Variants in CHRNB4 observed in about 807,000 individuals in gnomAD.
CHRNB4 encodes neuronal acetylcholine receptor subunit beta-4.
A neutral mutation model predicts 40.4 loss-of-function variants in CHRNB4; 23 were observed. The ratio of observed to expected loss-of-function variants is 0.57; its 90% confidence interval spans 0.41 to 0.81. The LOEUF is 0.81. CHRNB4 is among the 30% of genes least tolerant of loss of function. The pLI, the probability that CHRNB4 is intolerant of heterozygous loss-of-function variation, is 0.00. For synonymous variants in CHRNB4, 285 were observed against 274.4 expected, an observed-to-expected ratio of 1.04 and a Z score of -0.38; for missense variants, 568 against 670.6, an observed-to-expected ratio of 0.85 and a Z score of 1.69.
rs774591368 is a variant in CHRNB4 at position 78,641,079 on chromosome 15, C to A, written c.55G>T (p.Gly19Trp). 6 of 1,577,870 alleles carry A rather than the reference C, an allele frequency of 3.8e-6. No homozygotes were observed. Among genetic ancestry groups the A allele is most frequent in the African/African-American group, 2.7e-5 (2 of 74,028 alleles). ...CCCTCCTTCCCCGAAAAGAACTCACCGCGCCCGCAAAGGGCGACCAGGAAG... is the reference window on the plus strand; with the variant it reads ...CCCTCCTTCCCCGAAAAGAACTCACAGCGCCCGCAAAGGGCGACCAGGAAG... ...LFFLVALCGR[G>W]NCRVANAEEK... Residue 19 changes from glycine (G) to tryptophan (W), a missense_variant and splice_region_variant, in exon 1 of 6, where the codon GGG becomes TGG. Gly to Trp is a radical substitution (Grantham distance 184, BLOSUM62 -2). Around this residue, in one of 4 missense-constraint regions of CHRNB4, gnomAD observed 161 missense variants for 148.1 expected, o/e 1.09. Coordinates refer to ENST00000261751, the MANE Select transcript of CHRNB4 (RefSeq NM_000750.5).
chr15:78,658,435 C>A (rs1366947951), intron 1 of CHRNB4: 1 of 152,136 alleles, frequency 6.6e-6, no homozygotes, highest in Admixed American at 6.5e-5. Flanking sequence ...TGTCTAAGTA[C>A]TATTTGTCCC....
At chr15:78,640,257 G>A (rs1331993894) in intron 1 of CHRNB4, among the ~76,000 whole-genome samples, 1 of 152,146 alleles carries the variant, frequency 6.6e-6, no homozygotes, top group African/African-American at 2.4e-5. Flanking sequence ...GAAAAGCCTG[G>A]GTGACTGTAG....
chr15:78,658,869 G>A (rs1358052541), intron 1 of CHRNB4, among the ~76,000 whole-genome samples: 1 of 152,218 alleles, frequency 6.6e-6, no homozygotes, highest in African/African-American at 2.4e-5. Context: ...AAGGAGAGGA[G>A]ATGCCTGAAA....
chr15:78,651,894 C>T lies in CHRNB4; in HGVS notation c.-16+684G>A, dbSNP rs149210867. ...AAGGGTTGCATCTGCCCCACACGAG[C>T]CCAAAAGGGCTGCAGGGACAGGGCA... On this transcript the variant is annotated intron_variant and NMD_transcript_variant, in intron 6 of 11. Transcript: ENST00000559849. Among the ~76,000 whole-genome samples, 516 of 152,358 alleles carry T rather than the reference C, an allele frequency of 3.4e-3. 1 individual carries two copies. The highest frequency in any genetic ancestry group is 0.011 in the African/African-American group (473 of 41,592).
upstream of CHRNB4, among the ~76,000 whole-genome samples, chr15:78,642,593 T>C (rs1353536593): frequency 1.3e-5 from 2 of 152,112 alleles, no homozygotes; most frequent in Non-Finnish European, 2.9e-5. Flanking sequence ...CCTGGCTTTA[T>C]CGGATGTGTA....
At chr15:78,661,077 G>A, upstream of CHRNB4, 2 of 600,722 alleles carry the variant, frequency 3.3e-6, no homozygotes. Flanking sequence ...TTTGACCTCT[G>A]GCGCGCTTGA....
At chr15:78,634,206 T>C (rs1362076207) in intron 2 of CHRNB4, among the ~76,000 whole-genome samples, 1 of 152,150 alleles carries the variant, frequency 6.6e-6, no homozygotes, top group East Asian at 1.9e-4. Flanking sequence ...CCCTCCTCCT[T>C]CTGGTAGCCG....
chr15:78,650,845 G>C (rs1346301274), intron 6 of CHRNB4, among the ~76,000 whole-genome samples: 1 of 152,186 alleles, frequency 6.6e-6, no homozygotes, highest in Non-Finnish European at 1.5e-5. Flanking sequence ...TATGGGCTAG[G>C]GAAGTGTGAT....
At chr15:78,641,400 C>G (rs1477224681), upstream of CHRNB4, among the ~76,000 whole-genome samples, 1 of 152,190 alleles carries the variant, frequency 6.6e-6, no homozygotes, top group East Asian at 1.9e-4. Context: ...AACCTTCCCC[C>G]AAGGAAGGCA....
upstream of CHRNB4, among the ~76,000 whole-genome samples, chr15:78,641,983 C>T (rs2054082582): frequency 6.6e-6 from 1 of 152,248 alleles, no homozygotes; most frequent in Admixed American, 6.5e-5. Flanking sequence ...CCTCTGGCAG[C>T]TTCTCCAACT....
chr15:78,632,213 CT>C (rs2053839320), intron 2 of CHRNB4, among the ~76,000 whole-genome samples: 1 of 85,582 alleles, frequency 1.2e-5, no homozygotes, highest in Non-Finnish European at 2.0e-5. Flanking sequence ...TTCTTTCTTT[CT>C]CTTTCTCTCT....
At position 78,641,040 on chromosome 15, in the gene CHRNB4, A is replaced by G. The variant is rs776103774; in HGVS notation, c.55+39T>C. 9.0e-6 allele frequency: 14 copies of G among 1,550,152 alleles called. No homozygotes were observed. The Middle Eastern group carries it at 6.7e-4, about 74-fold the overall frequency. On this transcript the variant is annotated intron_variant, in intron 1 of 5. Transcript: ENST00000261751. ...GGCCAGTCCAGCCCCTTTCAGCCCA[A>G]CCCAGGCGCCCCTCCCTCCTTCCCC...
chr15:78,645,953 G>A (rs2054119502), upstream of CHRNB4, among the ~76,000 whole-genome samples: 1 of 151,950 alleles, frequency 6.6e-6, no homozygotes, highest in Non-Finnish European at 1.5e-5. Flanking sequence ...CCAGCTACTT[G>A]GGAGGCTGAG....
At chr15:78,655,522 A>G (rs1395533979) in intron 5 of CHRNB4, 2 of 149,436 alleles carry the variant, frequency 1.3e-5, no homozygotes, top group Admixed American at 6.6e-5. Flanking sequence ...AGAAAAAATT[A>G]GCCGGATGAG....
intron 2 of CHRNB4, chr15:78,657,422 T>C (rs2054223842): frequency 6.6e-6 from 1 of 152,240 alleles, no homozygotes; most frequent in Admixed American, 6.5e-5. Flanking sequence ...AAATATTTGT[T>C]GTATGGATGA....
At chr15:78,638,639 T>C (rs2054006908) in intron 1 of CHRNB4, among the ~76,000 whole-genome samples, 1 of 149,188 alleles carries the variant, frequency 6.7e-6, no homozygotes, top group South Asian at 2.1e-4. Context: ...GGGGGGGTGG[T>C]GCACTGAAGG....
rs907631717 is a variant in CHRNB4, at chr15:78,629,930, A to G, written c.375T>C (p.Tyr125=). 4.4e-6 allele frequency: 7 copies of G among 1,591,510 alleles called. No individual in the cohort carries two copies. The highest frequency in any genetic ancestry group is 6.0e-6 in the Non-Finnish European group (7 of 1,170,214). The stretch of plus-strand genomic sequence containing the variant: ...TCAAGTTGGTGTAGACAGACACCTC[A>G]TAGGTCCCGTCGGCGCTGGGCAGGG... ...IVLYNNADGT[Y]EVSVYTNLIV... is the part of the protein sequence containing the mutation. The change falls in exon 5 of 6, where the codon TAT becomes TAC. Residue 125 remains tyrosine, a synonymous_variant. Transcript: ENST00000261751. This position sits in a 1 kb window ranked among gnomAD's most constrained non-coding sequence, Gnocchi z 6.8.
rs1378367376 is a variant in CHRNB4, at chr15:78,629,437, G to A, written c.868C>T (p.Leu290Phe). 2 of 1,614,130 alleles carry A rather than the reference G, an allele frequency of 1.2e-6. No individual in the cohort carries two copies. Among genetic ancestry groups the A allele is most frequent in the Admixed American group, 1.7e-5 (1 of 60,024 alleles). ...TACTTGCCGATGAGAGGCACATCGA[G>A]GGAGGTGGGTGGCACGATCTTGGAG... The part of the protein sequence containing the change: ...LISKIVPPTS[L>F]DVPLIGKYLM... The change falls in exon 5 of 6, where the codon CTC becomes TTC. Residue 290 changes from leucine to phenylalanine, a missense_variant. Around this residue, in one of 4 missense-constraint regions of CHRNB4, gnomAD observed 38 missense variants for 80.3 expected, o/e 0.47. Coordinates refer to ENST00000261751, the MANE Select transcript of CHRNB4 (RefSeq NM_000750.5). The surrounding 1 kb of genome is among the most constrained non-coding windows in gnomAD (Gnocchi z 6.8).
chr15:78,645,146 C>T (rs986957802), upstream of CHRNB4, among the ~76,000 whole-genome samples: 5 of 152,156 alleles, frequency 3.3e-5, no homozygotes, highest in Non-Finnish European at 7.3e-5. Flanking sequence ...GGCCATTGTC[C>T]GTCTACCCTA....
Sources: allele counts gnomAD v4.1 joint callset (sites outside exome capture counted in the v4.1 genomes callset), GRCh38; gene constraint gnomAD v4.1.1; regional missense constraint gnomAD v4.1.1; non-coding constraint Gnocchi (gnomAD v3.1); transcripts MANE v1.5; gene names NCBI Gene and HGNC (gene_info 2026-07-23, HGNC 2026-07-21).